Variants in TENM2 observed in about 807,000 individuals in gnomAD.
TENM2 encodes the protein teneurin-2.
A neutral mutation model predicts 245.2 loss-of-function variants in TENM2; 52 were observed. The ratio of observed to expected loss-of-function variants is 0.21; its 90% CI spans 0.17 to 0.27. TENM2 has a LOEUF of 0.27. Among genes scored for constraint, TENM2 ranks in the 10% least tolerant of loss-of-function variants. The pLI is 1.00. For synonymous variants in TENM2, 1,363 were observed against 1,438.9 expected, an observed-to-expected ratio of 0.95 and a Z score of 1.19; for missense variants, 3,046 against 3,666.8, an observed-to-expected ratio of 0.83 and a Z score of 4.37.
the TENM2 span, among the ~76,000 whole-genome samples, chr5:167,035,228 A>G: frequency 2.0e-5 from 3 of 149,316 alleles, no homozygotes; most frequent in Middle Eastern, 3.2e-3. Context: ...ACTCTATTGG[A>G]AAAAAAAAAG....
At chr5:168,195,282 C>T in exon 15 of TENM2, 1 of 1,590,484 alleles carries the variant, frequency 6.3e-7, no homozygotes, top group Non-Finnish European at 8.6e-7. Context: ...CACCATCACC[C>T]GCCAGGATGG....
intron 4 of TENM2, among the ~76,000 whole-genome samples, chr5:167,953,657 T>C (rs1027259035): frequency 1.3e-5 from 2 of 152,208 alleles, no homozygotes; most frequent in Non-Finnish European, 2.9e-5. Context: ...TGCTATTGTT[T>C]CCTTGTCTAG....
At chr5:168,082,460 A>C (rs954990877) in intron 7 of TENM2, among the ~76,000 whole-genome samples, 3 of 152,172 alleles carry the variant, frequency 2.0e-5, no homozygotes, top group Non-Finnish European at 2.9e-5. Context: ...TTCTCCGTCC[A>C]GCTTTGTTGC....
At chr5:167,493,089 T>A (rs965283615) in intron 2 of TENM2, among the ~76,000 whole-genome samples, 36 of 152,058 alleles carry the variant, frequency 2.4e-4, no homozygotes, top group Admixed American at 2.4e-3. Flanking sequence ...AAAGTTAGAT[T>A]TTTTTACCCT....
intron 2 of TENM2, among the ~76,000 whole-genome samples, chr5:167,849,357 C>A (rs1770358295): frequency 6.6e-6 from 1 of 152,208 alleles, no homozygotes; most frequent in Non-Finnish European, 1.5e-5. Flanking sequence ...TCCCCACTCT[C>A]ACACTTCTGA....
intron 3 of TENM2, among the ~76,000 whole-genome samples, chr5:167,907,232 C>CAAATAAATAAAT (rs10650485): frequency 0.024 from 3,551 of 148,110 alleles, 155 homozygotes; most frequent in African/African-American, 0.083. Context: ...AACTCCGTCT[C>CAAATAAATAAAT]AAATAAATAA....
intron 19 of TENM2, among the ~76,000 whole-genome samples, chr5:168,207,749 C>A (rs1274888976): frequency 2.0e-5 from 3 of 152,100 alleles, no homozygotes; most frequent in African/African-American, 7.2e-5. Context: ...ATCTCGCTTA[C>A]CCACCCCGGA....
chr5:168,181,259 T>C (rs1759860635), intron 13 of TENM2, among the ~76,000 whole-genome samples: 1 of 152,242 alleles, frequency 6.6e-6, no homozygotes, highest in African/African-American at 2.4e-5. Context: ...TAGTTGCTGG[T>C]GAAGAACCAT....
intron 12 of TENM2, among the ~76,000 whole-genome samples, chr5:168,152,947 C>T (rs1756785722): frequency 6.6e-6 from 1 of 152,184 alleles, no homozygotes; most frequent in Non-Finnish European, 1.5e-5. Flanking sequence ...CTTCCAGAGG[C>T]TTGGGGTGTG....
chr5:167,644,707 G>A (rs919772057), intron 2 of TENM2, among the ~76,000 whole-genome samples: 1 of 152,110 alleles, frequency 6.6e-6, no homozygotes, highest in African/African-American at 2.4e-5. Context: ...TCAGAGCCAG[G>A]ACTTAAGTCT....
chr5:167,980,568 T>C (rs1160737556), intron 4 of TENM2, among the ~76,000 whole-genome samples: 1 of 152,056 alleles, frequency 6.6e-6, no homozygotes, highest in Non-Finnish European at 1.5e-5. Context: ...TAGGAAGAGA[T>C]GACCTCGACC....
the TENM2 span, among the ~76,000 whole-genome samples, chr5:167,078,453 A>G: frequency 6.6e-6 from 1 of 151,772 alleles, no homozygotes; most frequent in African/African-American, 2.4e-5. Flanking sequence ...ATTGCACTCT[A>G]GCCTGGCCAA....
intron 3 of TENM2, among the ~76,000 whole-genome samples, chr5:167,912,894 C>T (rs1410301803): frequency 1.3e-5 from 2 of 152,104 alleles, no homozygotes; most frequent in Non-Finnish European, 2.9e-5. Context: ...ATTCCTTGTG[C>T]CAGCCACTGG....
intron 2 of TENM2, among the ~76,000 whole-genome samples, chr5:167,452,176 C>T (rs1240153645): frequency 1.3e-5 from 2 of 152,148 alleles, no homozygotes; most frequent in South Asian, 2.1e-4. Context: ...TATGTACTTG[C>T]TTCTGGCTTC....
At chr5:167,941,491 T>C (rs1225811367) in intron 3 of TENM2, among the ~76,000 whole-genome samples, 1 of 152,134 alleles carries the variant, frequency 6.6e-6, no homozygotes, top group Non-Finnish European at 1.5e-5. Context: ...TGGTCCCTTA[T>C]TCTTAATGGT....
At chr5:167,376,560 G>C (rs57104133) in intron 2 of TENM2, among the ~76,000 whole-genome samples, 4,337 of 151,922 alleles carry the variant, frequency 0.029, 211 homozygotes, top group African/African-American at 0.099. Flanking sequence ...TCATTTCCTG[G>C]GTAAGTCGCA....
the TENM2 span, among the ~76,000 whole-genome samples, chr5:167,247,286 G>A: frequency 6.6e-6 from 1 of 152,096 alleles, no homozygotes; most frequent in African/African-American, 2.4e-5. Context: ...TTTGACTCCT[G>A]AGTTCACGCT....
chr5:167,592,760 T>C (rs1045851654), intron 2 of TENM2, among the ~76,000 whole-genome samples: 8 of 152,210 alleles, frequency 5.3e-5, no homozygotes, highest in Non-Finnish European at 8.8e-5. Context: ...TTCATTGTAT[T>C]TTTACAGATA....
chr5:167,047,837 C>T, the TENM2 span, among the ~76,000 whole-genome samples: 2 of 152,008 alleles, frequency 1.3e-5, no homozygotes, highest in Admixed American at 6.6e-5. Context: ...TTTTGCTTTT[C>T]AGAGAACTAC....
Sources: allele counts gnomAD v4.1 joint callset (sites outside exome capture counted in the v4.1 genomes callset), GRCh38; gene constraint gnomAD v4.1.1; transcripts MANE v1.5; gene names NCBI Gene and HGNC (gene_info 2026-07-23, HGNC 2026-07-21).